Variants in NEBL observed in about 807,000 individuals in gnomAD.
NEBL encodes nebulette.
Under a neutral mutation model 140.2 loss-of-function variants are expected in NEBL, and 122 were observed. The observed-to-expected ratio is 0.87, with a 90% CI of 0.75 to 1.01. The LOEUF (loss-of-function observed/expected upper bound fraction) is 1.01. Ranked by LOEUF, NEBL falls within the 50% of genes least tolerant of loss-of-function variation. The pLI, the probability that NEBL is intolerant of heterozygous loss-of-function variation, is 0.00. For missense variants in NEBL, 1,365 were observed against 1,231.3 expected (o/e 1.11, Z -1.62); for synonymous variants, 436 against 398.9 (o/e 1.09, Z -1.11).
Position 20,961,351 on chromosome 10 carries a change from T to C in NEBL, c.357+321A>G, listed in dbSNP as rs549781826. On this transcript the variant is annotated intron_variant, in intron 4 of 6. Transcript: ENST00000417816. ...CTCCTAACCTTATATGTATATTTTA[T>C]ATGCTTATCCACAGTCAAAACTTAA... 6.8e-4 allele frequency among the ~76,000 whole-genome samples: 104 copies of C among 152,314 alleles called. 1 individual carries two copies. Among genetic ancestry groups the C allele is most frequent in the Middle Eastern group, 6.8e-3 (2 of 294 alleles).
intron 3 of NEBL, among the ~76,000 whole-genome samples, chr10:21,013,367 G>A (rs1218607440): frequency 1.3e-5 from 2 of 152,074 alleles, no homozygotes; most frequent in African/African-American, 2.4e-5. Context: ...GTGCTTACTC[G>A]GAGAACAAGA....
chr10:20,814,445 T>TG (rs1312119499), intron 22 of NEBL, among the ~76,000 whole-genome samples: 5 of 139,134 alleles, frequency 3.6e-5, no homozygotes, highest in Non-Finnish European at 6.3e-5. Flanking sequence ...AGGTAAAAAT[T>TG]AAAAAAAAAA....
chr10:21,183,315 G>C (rs544553776), intron 3 of NEBL, among the ~76,000 whole-genome samples: 1 of 152,158 alleles, frequency 6.6e-6, no homozygotes, highest in African/African-American at 2.4e-5. Context: ...AAGAAGGGAA[G>C]GAAAGAAAGG....
chr10:20,924,439 G>T (rs1239788659), intron 4 of NEBL, among the ~76,000 whole-genome samples: 2 of 76,026 alleles, frequency 2.6e-5, no homozygotes, highest in Non-Finnish European at 5.6e-5. Context: ...AAAAAAAAAA[G>T]GCTACACCTT....
At chr10:21,267,613 G>A (rs1281422438) in intron 1 of NEBL, among the ~76,000 whole-genome samples, 1 of 152,164 alleles carries the variant, frequency 6.6e-6, no homozygotes, top group Non-Finnish European at 1.5e-5. Flanking sequence ...GTTGAATTTG[G>A]GAGTGATTGT....
intron 4 of NEBL, among the ~76,000 whole-genome samples, chr10:20,931,543 A>T (rs555957154): frequency 3.3e-5 from 5 of 152,258 alleles, no homozygotes; most frequent in Admixed American, 2.6e-4. Flanking sequence ...GAGGACTGTC[A>T]GTCCTTTTGC....
chr10:21,108,197 C>A (rs901410766), intron 2 of NEBL, among the ~76,000 whole-genome samples: 10 of 152,126 alleles, frequency 6.6e-5, no homozygotes, highest in African/African-American at 2.4e-4. Flanking sequence ...TTCTTGCCTT[C>A]TGCTAGCTTT....
At chr10:21,216,463 G>A (rs1315335014) in intron 3 of NEBL, among the ~76,000 whole-genome samples, 2 of 152,078 alleles carry the variant, frequency 1.3e-5, no homozygotes, top group African/African-American at 4.8e-5. Flanking sequence ...AGACCAGCCT[G>A]GCCAACATGA....
chr10:20,796,954 G>A (rs1289920380), intron 26 of NEBL, among the ~76,000 whole-genome samples: 1 of 152,166 alleles, frequency 6.6e-6, no homozygotes, highest in Non-Finnish European at 1.5e-5. Context: ...GAAAAGAAAG[G>A]AATGTACAGT....
At chr10:20,915,531 T>C (rs538593887) in intron 4 of NEBL, among the ~76,000 whole-genome samples, 12 of 151,612 alleles carry the variant, frequency 7.9e-5, no homozygotes, top group Non-Finnish European at 1.6e-4. Flanking sequence ...TTGCGATAGT[T>C]TACTGAGAAT....
chr10:20,794,581 T>A (rs1329633093), intron 26 of NEBL, among the ~76,000 whole-genome samples: 2 of 152,204 alleles, frequency 1.3e-5, no homozygotes, highest in Non-Finnish European at 1.5e-5. Flanking sequence ...AGCATATTCA[T>A]ATTGTGCAAC....
At chr10:21,275,968 C>CTTTT (rs35122753) in intron 1 of NEBL, among the ~76,000 whole-genome samples, 6 of 124,324 alleles carry the variant, frequency 4.8e-5, no homozygotes, top group African/African-American at 1.5e-4. Flanking sequence ...CCAGCCCTTT[C>CTTTT]TTTTTTTTTT....
intron 19 of NEBL, among the ~76,000 whole-genome samples, chr10:20,820,453 T>C (rs1343124435): frequency 6.6e-6 from 1 of 152,206 alleles, no homozygotes; most frequent in African/African-American, 2.4e-5. Context: ...AGTTTTAGTG[T>C]CTTTTTAGAC....
chr10:21,274,686 A>G (rs1446309804), intron 1 of NEBL, among the ~76,000 whole-genome samples: 1 of 152,172 alleles, frequency 6.6e-6, no homozygotes, highest in Non-Finnish European at 1.5e-5. Flanking sequence ...TTGGCCTCCC[A>G]AAGTGCTGGG....
rs143466418 is a variant in NEBL at position 21,242,072 on chromosome 10, C to A, written n.348+5849G>T. ...TAAAAATTAGCTGGGTGTGGTGGCA[C>A]ACACCTGTGGTCCCAGCTACTTGGG... On this transcript the variant is annotated intron_variant and non_coding_transcript_variant, in intron 3 of 8. Coordinates refer to the NEBL transcript ENST00000675702. 4.9e-3 allele frequency among the ~76,000 whole-genome samples: 751 copies of A among 152,164 alleles called. 6 individuals carry two copies. Among genetic ancestry groups the A allele is most frequent in the African/African-American group, 0.017 (720 of 41,500 alleles).
At chr10:21,185,038 G>A (rs1340934220) in intron 3 of NEBL, among the ~76,000 whole-genome samples, 1 of 152,154 alleles carries the variant, frequency 6.6e-6, no homozygotes, top group African/African-American at 2.4e-5. Context: ...CTGGCCCCAT[G>A]TCTCCCCTGA....
intron 3 of NEBL, among the ~76,000 whole-genome samples, chr10:21,198,154 T>C (rs1174594829): frequency 6.6e-6 from 1 of 152,182 alleles, no homozygotes; most frequent in Non-Finnish European, 1.5e-5. Context: ...CTCCTCTGAA[T>C]ACCAGTTTCT....
intron 2 of NEBL, chr10:21,028,902 T>C (rs907176280): frequency 2.3e-6 from 1 of 433,382 alleles, no homozygotes; most frequent in Admixed American, 4.0e-5. Flanking sequence ...GCTAAAAGAT[T>C]GATATTGTCA....
chr10:21,176,653 AC>A (rs1841304900), upstream of NEBL, among the ~76,000 whole-genome samples: 6 of 152,288 alleles, frequency 3.9e-5, no homozygotes, highest in Admixed American at 3.9e-4. Flanking sequence ...ACTGGGGAGA[AC>A]TTTTGCCCTT....
Sources: allele counts gnomAD v4.1 joint callset (sites outside exome capture counted in the v4.1 genomes callset), GRCh38; gene constraint gnomAD v4.1.1; transcripts MANE v1.5; gene names NCBI Gene and HGNC (gene_info 2026-07-23, HGNC 2026-07-21).